USH2A: variants seen among roughly 807,000 people sequenced by gnomAD.
The protein encoded by USH2A is Usher syndrome 2A (autosomal recessive, mild).
Under a neutral mutation model 538.9 loss-of-function variants are expected in USH2A, and 443 were observed. The observed-to-expected ratio is 0.82, with a 90% CI of 0.76 to 0.89. The LOEUF (loss-of-function observed/expected upper bound fraction) is 0.89, where lower values mean the gene tolerates loss of function less well. Among genes scored for constraint, USH2A ranks in the 40% least tolerant of loss-of-function variants. USH2A has a pLI of 0.00. For missense variants in USH2A, 6,633 were observed against 6,324.8 expected, an observed-to-expected ratio of 1.05 and a Z score of -1.65; for synonymous variants, 2,413 against 2,273.5, an observed-to-expected ratio of 1.06 and a Z score of -1.75.
intron 60 of USH2A, among the ~76,000 whole-genome samples, chr1:215,735,014 G>A (rs1006511232): frequency 2.6e-5 from 4 of 152,098 alleles, no homozygotes; most frequent in African/African-American, 7.2e-5. Flanking sequence ...ATAGCAACAC[G>A]CTACTCCTGG....
rs755416914 is a variant in USH2A, at chr1:215,674,752, T to C, written c.13159A>G (p.Thr4387Ala). ...TTATCATATCTAACTAAATATTTAGTAATCTTTCCATTTTGCACTGTGGGC... is the reference window on the plus strand; with the variant it reads ...TTATCATATCTAACTAAATATTTAGCAATCTTTCCATTTTGCACTGTGGGC... The part of the protein sequence containing the change: ...SPPTVQNGKI[T>A]KYLVRYDNKE... The change falls in exon 63 of 72, where the codon ACT becomes GCT. Residue 4387 changes from threonine to alanine, a missense_variant. Transcript: ENST00000307340. 12 of 1,614,118 alleles carry C rather than the reference T, an allele frequency of 7.4e-6. No homozygotes were observed. In the Admixed American group the frequency reaches 2.0e-4, roughly 27 times the overall value.
rs1655963559 is a variant in USH2A at position 215,625,012 on chromosome 1, A to ACAT, written c.*766_*768dup. 1 of 152,216 alleles carries ACAT rather than the reference A, an allele frequency of 6.6e-6. No homozygotes were observed. The allele number at this position is 152,216 out of a possible 1,614,324, so 9.4% of individuals were successfully genotyped here. On this transcript the variant is annotated 3_prime_UTR_variant, in exon 72 of 72. Transcript: ENST00000307340. ...AAACTATAAAATATATGAAATAAAA[A>ACAT]CATTGGTTCAAGTAGAGGTGTTCCT...
rs770425772 is a variant in USH2A at position 216,204,824 on chromosome 1, AAATGC to A, written c.3316+2444_3316+2448del. ...TGTTAACCAATTGTTCTTACTGTTC[AAATGC>A]CATCATGCAGATAATTTTCACATCA... On this transcript the variant is annotated intron_variant, in intron 16 of 71. Transcript: ENST00000307340. Among the ~76,000 whole-genome samples, 15 of 152,330 alleles carry A rather than the reference AAATGC, an allele frequency of 9.8e-5. 1 individual carries two copies. The highest frequency in any genetic ancestry group is 3.9e-4 in the Admixed American group (6 of 15,300).
At chr1:216,367,905 C>A (rs776041357) in intron 3 of USH2A, among the ~76,000 whole-genome samples, 6 of 152,092 alleles carry the variant, frequency 3.9e-5, no homozygotes, top group Admixed American at 3.3e-4. Context: ...GAAAAGAAAG[C>A]CTTCTGCTAA....
At chr1:216,252,671 T>C (rs1233929272) in intron 11 of USH2A, among the ~76,000 whole-genome samples, 1 of 152,208 alleles carries the variant, frequency 6.6e-6, no homozygotes, top group Non-Finnish European at 1.5e-5. Context: ...TAGCTAATAA[T>C]GAACCTCAAT....
chr1:215,638,288 G>A lies in USH2A; in HGVS notation c.15052+867C>T, dbSNP rs75087822. 7.2e-4 allele frequency among the ~76,000 whole-genome samples: 109 copies of A among 152,188 alleles called. No homozygotes were observed. The East Asian group carries it at 0.018, about 25-fold the overall frequency. The stretch of plus-strand genomic sequence containing the variant: ...AGAAAAATTTAGTTTGAGCTCTCTG[G>A]TCTTTTCCATATTTACAATTCAATA... On this transcript the variant is annotated intron_variant, in intron 69 of 71. Transcript: ENST00000307340.
In USH2A at chr1:216,350,564, C is replaced by A. The variant is rs146773511; in HGVS notation, c.784+14389G>T. ...TACAGCCCCCATGCAAGTCTGAAAC[C>A]CAAAAGGGCAGTCATCAAATTTTAG... On this transcript the variant is annotated intron_variant, in intron 4 of 71. Transcript: ENST00000307340. Among the ~76,000 whole-genome samples, 119 of 152,186 alleles carry A rather than the reference C, an allele frequency of 7.8e-4. No individual in the cohort carries two copies. In the Middle Eastern group the frequency reaches 0.01, roughly 13 times the overall value.
chr1:215,656,261 G>A (rs1001416519), intron 64 of USH2A, among the ~76,000 whole-genome samples: 4 of 152,124 alleles, frequency 2.6e-5, no homozygotes, highest in African/African-American at 4.8e-5. Context: ...GCAAAGCTAA[G>A]TTATTAATGT....
At chr1:215,638,187 CCT>C (rs1435183778) in intron 69 of USH2A, among the ~76,000 whole-genome samples, 1 of 152,166 alleles carries the variant, frequency 6.6e-6, no homozygotes, top group African/African-American at 2.4e-5. Flanking sequence ...TCTGATCTCT[CCT>C]CTAACTTCCT....
intron 4 of USH2A, among the ~76,000 whole-genome samples, chr1:216,339,095 T>C (rs1007878386): frequency 3.3e-5 from 5 of 151,558 alleles, no homozygotes; most frequent in African/African-American, 1.2e-4. Flanking sequence ...ATAAATTATA[T>C]AAAGAGAAAA....
chr1:215,959,231 A>T (rs1558182590), intron 37 of USH2A, among the ~76,000 whole-genome samples: 1 of 152,126 alleles, frequency 6.6e-6, no homozygotes, highest in Non-Finnish European at 1.5e-5. Flanking sequence ...CCACCTAGAG[A>T]TAACAGATAT....
chr1:216,335,248 G>A (rs1265900368), intron 4 of USH2A, among the ~76,000 whole-genome samples: 1 of 151,588 alleles, frequency 6.6e-6, no homozygotes, highest in African/African-American at 2.4e-5. Flanking sequence ...TGAGATTAAT[G>A]GAAGTGAACA....
At chr1:216,218,927 T>C (rs574511332) in intron 14 of USH2A, among the ~76,000 whole-genome samples, 1 of 152,204 alleles carries the variant, frequency 6.6e-6, no homozygotes, top group South Asian at 2.1e-4. Context: ...GAGTCTATTG[T>C]TTATAGGCTT....
intron 9 of USH2A, among the ~76,000 whole-genome samples, chr1:216,301,394 C>T (rs2037214661): frequency 6.6e-6 from 1 of 152,098 alleles, no homozygotes. Context: ...TGAAGAAGTG[C>T]CTAGAAGGAG....
intron 70 of USH2A, among the ~76,000 whole-genome samples, chr1:215,632,599 C>T (rs1408037982): frequency 1.3e-5 from 2 of 152,130 alleles, no homozygotes; most frequent in Non-Finnish European, 2.9e-5. Context: ...CCTGTAACCG[C>T]ACCTCACATT....
intron 43 of USH2A, among the ~76,000 whole-genome samples, chr1:215,870,887 C>T (rs1664608985): frequency 6.6e-6 from 1 of 152,016 alleles, no homozygotes; most frequent in East Asian, 1.9e-4. Flanking sequence ...AACAAAAATG[C>T]TAGATCAATT....
intron 61 of USH2A, among the ~76,000 whole-genome samples, chr1:215,718,745 G>C (rs2102704858): frequency 6.6e-6 from 1 of 152,260 alleles, no homozygotes; most frequent in Non-Finnish European, 1.5e-5. Context: ...GGGTACTTCG[G>C]GGCAGCCATC....
At chr1:215,977,301 AG>A (rs1667643575) in intron 35 of USH2A, among the ~76,000 whole-genome samples, 1 of 152,100 alleles carries the variant, frequency 6.6e-6, no homozygotes, top group African/African-American at 2.4e-5. Context: ...TAACTTTTTG[AG>A]GTAGCTATTT....
At chr1:215,628,144 AC>A (rs1408094513) in intron 71 of USH2A, among the ~76,000 whole-genome samples, 3 of 150,190 alleles carry the variant, frequency 2.0e-5, no homozygotes, top group Non-Finnish European at 4.5e-5. Context: ...GTCTACCCAT[AC>A]ACCAATAGGA....
Sources: gnomAD v4.1 joint callset for allele counts (sites outside exome capture counted in the v4.1 genomes callset) on GRCh38, gnomAD v4.1.1 for gene constraint, MANE v1.5 for transcripts, NCBI Gene and HGNC (gene_info 2026-07-23, HGNC 2026-07-21) for gene names.